TNNI3K: variants seen among roughly 807,000 people sequenced by gnomAD.
TNNI3K encodes TNNI3 interacting kinase.
A neutral mutation model predicts 114.5 loss-of-function variants in TNNI3K; 140 were observed. The observed-to-expected ratio is 1.22, with a 90% confidence interval of 1.07 to 1.41. The LOEUF (loss-of-function observed/expected upper bound fraction) is 1.41, where lower values mean the gene tolerates loss of function less well. Ranked by LOEUF, TNNI3K falls within the 40% of genes most tolerant of loss-of-function variation. TNNI3K has a pLI of 0.00. For missense variants in TNNI3K, 1,125 were observed against 1,007.6 expected (o/e 1.12, Z -1.58); for synonymous variants, 347 against 347.5 (o/e 1.00, Z 0.02).
chr1:74,464,866 A>AT, intron 21 of TNNI3K: 1 of 1,371,782 alleles, frequency 7.3e-7, no homozygotes, highest in Non-Finnish European at 9.4e-7. Flanking sequence ...CTGCTATAAC[A>AT]CTAACATCTA....
chr1:74,391,957 A>ATTATT (rs1369570973), intron 17 of TNNI3K, among the ~76,000 whole-genome samples: 6 of 92,990 alleles, frequency 6.5e-5, no homozygotes, highest in African/African-American at 1.9e-4. Flanking sequence ...ACAGCTTATT[A>ATTATT]TTTTTTTTTT....
chr1:74,486,564 GA>G (rs1268231673), intron 21 of TNNI3K, among the ~76,000 whole-genome samples: 3 of 150,668 alleles, frequency 2.0e-5, no homozygotes, highest in Non-Finnish European at 2.9e-5. Context: ...ACTGAAATGG[GA>G]AAGGCTATAA....
chr1:74,440,603 T>C (rs554156539), intron 20 of TNNI3K, among the ~76,000 whole-genome samples: 4 of 152,288 alleles, frequency 2.6e-5, no homozygotes, highest in South Asian at 4.1e-4. Flanking sequence ...ATATGGTCTT[T>C]TAATTACACC....
At chr1:74,438,526 G>C (rs1557565596) in intron 19 of TNNI3K, among the ~76,000 whole-genome samples, 1 of 152,102 alleles carries the variant, frequency 6.6e-6, no homozygotes, top group East Asian at 1.9e-4. Flanking sequence ...TTTAGAACTG[G>C]GAGGGTGTGG....
At chr1:74,462,357 C>T (rs45619238) in intron 20 of TNNI3K, among the ~76,000 whole-genome samples, 2,937 of 152,152 alleles carry the variant, frequency 0.019, 91 homozygotes, top group African/African-American at 0.067. Flanking sequence ...GCTTACAATA[C>T]CACAATCTAA....
intron 24 of TNNI3K, chr1:74,541,624 A>T (rs1261075563): frequency 6.6e-6 from 1 of 152,230 alleles, no homozygotes; most frequent in African/African-American, 2.4e-5. Flanking sequence ...AGGTTTCAAG[A>T]TGAAGCATTT....
intron 17 of TNNI3K, among the ~76,000 whole-genome samples, chr1:74,395,301 T>A (rs1244402979): frequency 6.7e-6 from 1 of 149,406 alleles, no homozygotes; most frequent in Non-Finnish European, 1.5e-5. Context: ...TTTGGACAGG[T>A]GAGTTTATTT....
chr1:74,463,381 C>A, intron 20 of TNNI3K, 60 bp from the exon 21 acceptor site: 3 of 1,572,874 alleles, frequency 1.9e-6, no homozygotes. Context: ...TGTGTGTCTT[C>A]ATTTGTTGCT....
chr1:74,540,268 G>C lies in TNNI3K; in HGVS notation c.2386G>C (p.Glu796Gln). The change falls in exon 24 of 25, where the codon GAG (glutamate) becomes CAG (glutamine). Residue 796 changes from glutamate to glutamine, a missense_variant. Glu to Gln is a conservative substitution (Grantham distance 29). Transcript: ENST00000326637. ...GQYSSQGLSL[E>Q]EMKRSLQYTP... is the part of the protein sequence containing the mutation. ...ATATTCCTCTCAAGGTCTGTCTTTG[G>C]AGGAGATGAAAAGAAGTCTTCAATA... is the stretch of plus-strand genomic sequence containing the variant. The C allele has an allele frequency of 1.9e-6, 3 of 1,612,584 alleles. No individual in the cohort carries two copies. The highest frequency in any genetic ancestry group is 2.5e-6 in the Non-Finnish European group (3 of 1,179,118).
chr1:74,532,272 G>A (rs6698622), intron 23 of TNNI3K, among the ~76,000 whole-genome samples: 76,647 of 151,852 alleles, frequency 0.5, 20,339 homozygotes, highest in East Asian at 0.73. Flanking sequence ...TTTTAAAGAT[G>A]AAGCAAACAT....
intron 5 of TNNI3K, among the ~76,000 whole-genome samples, chr1:74,295,643 T>G (rs565507209): frequency 4.6e-5 from 7 of 152,282 alleles, no homozygotes; most frequent in South Asian, 4.1e-4. Context: ...GAATTTCTAC[T>G]TTATCTTTTA....
chr1:74,347,887 C>G (rs984607614), intron 9 of TNNI3K, among the ~76,000 whole-genome samples: 2 of 152,116 alleles, frequency 1.3e-5, no homozygotes, highest in Admixed American at 1.3e-4. Flanking sequence ...ATTGTAGATT[C>G]TGGATATTAG....
chr1:74,284,707 T>G (rs1657219017), intron 5 of TNNI3K, among the ~76,000 whole-genome samples: 1 of 152,214 alleles, frequency 6.6e-6, no homozygotes, highest in Non-Finnish European at 1.5e-5. Context: ...GGTTACTAAC[T>G]AACCCATTTA....
intron 13 of TNNI3K, 101 bp downstream of exon 13, chr1:74,368,065 A>G (rs566768656): frequency 2.6e-5 from 30 of 1,144,696 alleles, no homozygotes; most frequent in Non-Finnish European, 3.0e-5. Flanking sequence ...AATGATGACT[A>G]TTTTACAAGC....
At chr1:74,265,471 C>T (rs1017277569) in intron 4 of TNNI3K, among the ~76,000 whole-genome samples, 20 of 151,944 alleles carry the variant, frequency 1.3e-4, no homozygotes, top group African/African-American at 4.1e-4. Flanking sequence ...TCTAATGCTG[C>T]AGTGGGTCCT....
At chr1:74,349,912 C>CA (rs1661241571) in intron 9 of TNNI3K, among the ~76,000 whole-genome samples, 1 of 152,008 alleles carries the variant, frequency 6.6e-6, no homozygotes, top group Non-Finnish European at 1.5e-5. Flanking sequence ...TTGATCTTTT[C>CA]AAAAAACCAG....
At chr1:74,500,521 G>C (rs1669563286) in intron 23 of TNNI3K, among the ~76,000 whole-genome samples, 1 of 146,518 alleles carries the variant, frequency 6.8e-6, no homozygotes, top group South Asian at 2.2e-4. Flanking sequence ...GGAGAATGGC[G>C]TGAACCCGGG....
chr1:74,427,829 A>C (rs913108563), intron 17 of TNNI3K, among the ~76,000 whole-genome samples: 1 of 152,138 alleles, frequency 6.6e-6, no homozygotes, highest in South Asian at 2.1e-4. Context: ...GCACTTGCTC[A>C]TAGAAACCTC....
intron 17 of TNNI3K, among the ~76,000 whole-genome samples, chr1:74,388,690 A>AT (rs1418492879): frequency 6.6e-6 from 1 of 152,254 alleles, no homozygotes; most frequent in African/African-American, 2.4e-5. Context: ...TCTGAAAAAT[A>AT]TAACAAGGAA....
Sources: allele counts gnomAD v4.1 joint callset (sites outside exome capture counted in the v4.1 genomes callset), GRCh38; gene constraint gnomAD v4.1.1; transcripts MANE v1.5; gene names NCBI Gene and HGNC (gene_info 2026-07-23, HGNC 2026-07-21).